Variants in DOT1L observed in about 807,000 individuals in gnomAD.
DOT1L encodes the protein histone-lysine N-methyltransferase, H3 lysine-79 specific.
A neutral mutation model predicts 153.3 loss-of-function variants in DOT1L; 33 were observed. The ratio of observed to expected loss-of-function variants is 0.22; its 90% CI spans 0.16 to 0.29. The LOEUF (loss-of-function observed/expected upper bound fraction) is 0.29, where lower values mean the gene tolerates loss of function less well. DOT1L is among the 10% of genes least tolerant of loss of function. The probability of loss-of-function intolerance (pLI) is 1.00; values close to 1 mark genes in which losing one functional copy is unlikely to be tolerated. For missense variants in DOT1L, 1,847 were observed against 2,119.9 expected (o/e 0.87, Z 2.53); for synonymous variants, 1,135 against 965.1 (o/e 1.18, Z -3.26).
intron 22 of DOT1L, among the ~76,000 whole-genome samples, chr19:2,219,152 A>G (rs925624856): frequency 3.9e-5 from 6 of 152,184 alleles, no homozygotes; most frequent in Non-Finnish European, 8.8e-5. Flanking sequence ...GATGACAGGC[A>G]TGAGCCACCG....
At chr19:2,214,790 T>A in intron 19 of DOT1L, 194 bp downstream of exon 19, 1 of 736,526 alleles carries the variant, frequency 1.4e-6, no homozygotes, top group Non-Finnish European at 2.1e-6. Context: ...TGCCTCACTC[T>A]AGCCCTCAGC....
At position 2,193,638 on chromosome 19, in the gene DOT1L, C is replaced by T. The variant is rs565664972; in HGVS notation, c.494-51C>T. 1.5e-4 allele frequency: 232 copies of T among 1,579,844 alleles called. 3 individuals are homozygous for T. In the South Asian group the frequency reaches 2.1e-3, roughly 14 times the overall value. On this transcript the variant is annotated intron_variant, in intron 5 of 27. Coordinates refer to ENST00000398665, the MANE Select transcript of DOT1L (RefSeq NM_032482.3). The surrounding 1 kb of genome is among the most constrained non-coding windows in gnomAD (Gnocchi z 5.9). Reference sequence around the variant, plus strand: ...TGTCTCCGAGCCTAGCACGGCCTCCCGGGTGGCATCTGAGCGCTGTGTGGT... The same window carrying T: ...TGTCTCCGAGCCTAGCACGGCCTCCTGGGTGGCATCTGAGCGCTGTGTGGT...
At chr19:2,181,523 G>A (rs1381971025) in intron 2 of DOT1L, among the ~76,000 whole-genome samples, 1 of 152,212 alleles carries the variant, frequency 6.6e-6, no homozygotes, top group Non-Finnish European at 1.5e-5. Context: ...GGGGCCCAGC[G>A]GCACCTCCCT....
Position 2,211,734 on chromosome 19 carries a change from TC to T in DOT1L, c.1466-15del. ...TCAGCTGCTCTCTTCTCACCTGTGT[TC>T]CGCCTCTCTTCCCAGAGTCCTTCAA... On this transcript the variant is annotated splice_polypyrimidine_tract_variant and intron_variant, in intron 15 of 27. Coordinates refer to ENST00000398665, the MANE Select transcript of DOT1L (RefSeq NM_032482.3). 1.3e-6 allele frequency: 2 copies of T among 1,551,888 alleles called. No individual in the cohort carries two copies. Among genetic ancestry groups the T allele is most frequent in the Non-Finnish European group, 1.7e-6 (2 of 1,146,222 alleles).
rs375662134 is a variant in DOT1L, at chr19:2,199,989, C to T, written c.707+50C>T. The T allele has an allele frequency of 1.7e-4, 269 of 1,600,464 alleles. No homozygotes were observed. In the African/African-American group the frequency reaches 2.3e-3, roughly 14 times the overall value. On this transcript the variant is annotated intron_variant, in intron 8 of 27. Transcript: ENST00000398665. The stretch of plus-strand genomic sequence containing the variant: ...GGCATGTGGGGTGTGCGCTCACAGG[C>T]GGGCGGTGGCCATGGCACCGGGGAC...
chr19:2,180,787 C>T (rs769715754), intron 2 of DOT1L, 31 bp downstream of exon 2: 2 of 1,613,132 alleles, frequency 1.2e-6, no homozygotes, highest in Admixed American at 3.3e-5. Context: ...GTGTTGTCTT[C>T]ACAGCCCTGA....
At chr19:2,194,687 G>GGCTGTTGGCACATA in intron 7 of DOT1L, 110 bp downstream of exon 7, 1 of 1,261,048 alleles carries the variant, frequency 7.9e-7, no homozygotes, top group Non-Finnish European at 1.1e-6. Context: ...GTTGGCACAT[G>GGCTGTTGGCACATA]GTGTGCCCCC....
chr19:2,211,184 C>T lies in DOT1L; in HGVS notation c.1437C>T (p.Pro479=), dbSNP rs1259157744. The T allele has an allele frequency of 1.2e-6, 2 of 1,611,624 alleles. No individual in the cohort carries two copies. The highest frequency in any genetic ancestry group is 1.7e-6 in the Non-Finnish European group (2 of 1,179,350). The part of the protein sequence containing the change: ...RHSPNPLLVA[P]TPPALQKLLE... ...CCCCCAACCCGCTGCTGGTGGCGCC[C>T]ACCCCGCCCGCGCTGCAGAAGCTTC... is the stretch of plus-strand genomic sequence containing the variant. The change falls in exon 15 of 28, where the codon CCC becomes CCT. Residue 479 remains proline, a synonymous_variant. Transcript: ENST00000398665.
Position 2,227,058 on chromosome 19 carries a change from G to A in DOT1L, c.4537G>A (p.Ala1513Thr), listed in dbSNP as rs2024378530. ...AAAGLVHVSS[A>T]ATRLTNSHAM... ...CGCAGGCCTGGTGCACGTGTCGTCC[G>A]CTGCCACCAGACTGACCAACTCGCA... Residue 1513 changes from alanine (A) to threonine (T), a missense_variant, in exon 27 of 28, where the codon GCT (alanine) becomes ACT (threonine). Ala to Thr is a moderately conservative substitution (Grantham distance 58). Coordinates refer to ENST00000398665, the MANE Select transcript of DOT1L (RefSeq NM_032482.3). 4 of 1,572,060 alleles carry A rather than the reference G, an allele frequency of 2.5e-6. No homozygotes were observed. Among genetic ancestry groups the A allele is most frequent in the East Asian group, 2.3e-5 (1 of 43,652 alleles).
chr19:2,202,796 G>A lies in DOT1L; in HGVS notation c.787+17G>A, dbSNP rs776745719. 4 of 1,613,932 alleles carry A rather than the reference G, an allele frequency of 2.5e-6. No individual in the cohort carries two copies. The highest frequency in any genetic ancestry group is 3.4e-6 in the Non-Finnish European group (4 of 1,179,906). On this transcript the variant is annotated intron_variant, in intron 9 of 27. Transcript: ENST00000398665. Reference sequence around the variant, plus strand: ...TGAAGGAAGGTAAGGCGCCCTCCTCGCCGGTCTGTGCTGGTGTGACATGAT... The same window carrying A: ...TGAAGGAAGGTAAGGCGCCCTCCTCACCGGTCTGTGCTGGTGTGACATGAT...
Position 2,174,103 on chromosome 19 carries a change from G to A in DOT1L, c.82-6610G>A, listed in dbSNP as rs1437586927. On this transcript the variant is annotated intron_variant, in intron 1 of 27. Transcript: ENST00000398665. ...CTCCTAAAGTGCTAGCACTACAGGC[G>A]TGCACAGCTGTGCCCAGCCAGCTGG... Among the ~76,000 whole-genome samples, 4 of 152,208 alleles carry A rather than the reference G, an allele frequency of 2.6e-5. No individual in the cohort carries two copies. In the East Asian group the frequency reaches 7.7e-4, roughly 29 times the overall value.
Position 2,210,393 on chromosome 19 carries a change from C to T in DOT1L, c.1006-7C>T, listed in dbSNP as rs773710987. On this transcript the variant is annotated splice_region_variant and splice_polypyrimidine_tract_variant and intron_variant, in intron 12 of 27. Transcript: ENST00000398665. ...GCTTCCTGTGGCTCAACCTGCTCTC[C>T]TTCCAGGAGGAACAGGAGGCAGCCC... The T allele has an allele frequency of 5.2e-6, 8 of 1,525,686 alleles. No individual in the cohort carries two copies. The South Asian group carries it at 6.0e-5, about 11-fold the overall frequency. The allele number at this position is 1,525,686 out of a possible 1,614,324, so 94.5% of individuals were successfully genotyped here.
chr19:2,179,923 C>T (rs1228361985), intron 1 of DOT1L, among the ~76,000 whole-genome samples: 2 of 152,002 alleles, frequency 1.3e-5, no homozygotes, highest in South Asian at 2.1e-4. Flanking sequence ...CACGCAGACG[C>T]GACGAAAGTG....
At chr19:2,196,264 C>T (rs937391882) in intron 7 of DOT1L, among the ~76,000 whole-genome samples, 9 of 152,264 alleles carry the variant, frequency 5.9e-5, no homozygotes, top group African/African-American at 1.7e-4. Context: ...CTGCCTTGGG[C>T]GTCCTGGCTG....
intron 2 of DOT1L, among the ~76,000 whole-genome samples, chr19:2,182,339 G>C (rs764548970): frequency 6.6e-6 from 1 of 152,160 alleles, no homozygotes; most frequent in African/African-American, 2.4e-5. Flanking sequence ...TCCAGGAGCT[G>C]GAGATTGGCC....
chr19:2,170,338 C>T (rs1212730334), intron 1 of DOT1L, among the ~76,000 whole-genome samples: 1 of 152,130 alleles, frequency 6.6e-6, no homozygotes, highest in African/African-American at 2.4e-5. Context: ...TTGCTCTTGT[C>T]TCTCTGGACC....
chr19:2,209,669 GC>G (rs1425568914), intron 12 of DOT1L, among the ~76,000 whole-genome samples: 2 of 152,388 alleles, frequency 1.3e-5, no homozygotes, highest in East Asian at 3.9e-4. Flanking sequence ...CCTCAGACCT[GC>G]CTGCTTATTT....
At chr19:2,168,205 T>A (rs4807206) in intron 1 of DOT1L, among the ~76,000 whole-genome samples, 13,615 of 152,234 alleles carry the variant, frequency 0.089, 974 homozygotes, top group African/African-American at 0.2. Context: ...CAGGGGCTCA[T>A]GCCTGTAGTC....
rs1465923268 is a variant in DOT1L, at chr19:2,190,745, C to T, written c.265-267C>T. ...GGCCTGTGTGGTTTTGGTGGTCTTG[C>T]CAGTGGGGAGAGAGGCCCGTGGCAG... On this transcript the variant is annotated intron_variant, in intron 4 of 27. Coordinates refer to ENST00000398665, the MANE Select transcript of DOT1L (RefSeq NM_032482.3). The surrounding 1 kb of genome is among the most constrained non-coding windows in gnomAD (Gnocchi z 4.8). Among the ~76,000 whole-genome samples, 1 of 151,834 alleles carries T rather than the reference C, an allele frequency of 6.6e-6. No individual in the cohort carries two copies. Among genetic ancestry groups the T allele is most frequent in the Non-Finnish European group, 1.5e-5 (1 of 67,928 alleles).
Sources: gnomAD v4.1 joint callset for allele counts (sites outside exome capture counted in the v4.1 genomes callset) on GRCh38, gnomAD v4.1.1 for gene constraint, Gnocchi (gnomAD v3.1) non-coding constraint, MANE v1.5 for transcripts, NCBI Gene and HGNC (gene_info 2026-07-23, HGNC 2026-07-21) for gene names.